Variants in PDE1C observed in about 807,000 individuals in gnomAD.
The protein encoded by PDE1C is dual specificity calcium/calmodulin-dependent 3',5'-cyclic nucleotide phosphodiesterase 1C.
Under a neutral mutation model 93.1 loss-of-function variants are expected in PDE1C, and 62 were observed. The ratio of observed to expected loss-of-function variants is 0.67; its 90% CI spans 0.54 to 0.82. The LOEUF (loss-of-function observed/expected upper bound fraction) is 0.82. Among genes scored for constraint, PDE1C ranks in the 40% least tolerant of loss-of-function variants. The pLI is 0.00. For missense variants in PDE1C, 742 were observed against 884.6 expected (o/e 0.84, Z 2.04); for synonymous variants, 325 against 310.1 (o/e 1.05, Z -0.50).
At chr7:32,240,391 C>A (rs1158365172) in intron 1 of PDE1C, among the ~76,000 whole-genome samples, 1 of 152,092 alleles carries the variant, frequency 6.6e-6, no homozygotes, top group African/African-American at 2.4e-5. Context: ...TGGTAAGTCC[C>A]AGATTTTGCA....
chr7:31,988,541 T>C (rs925197908), intron 2 of PDE1C, among the ~76,000 whole-genome samples: 1 of 152,130 alleles, frequency 6.6e-6, no homozygotes, highest in Non-Finnish European at 1.5e-5. Context: ...TGGGCCTCTA[T>C]AATTTTTTTT....
intron 9 of PDE1C, among the ~76,000 whole-genome samples, chr7:31,845,604 C>T (rs1266621804): frequency 2.0e-5 from 3 of 151,904 alleles, no homozygotes; most frequent in African/African-American, 2.4e-5. Context: ...GTGCAGCAAA[C>T]CACCATGGCA....
At chr7:31,945,172 C>T (rs1584114882) in intron 2 of PDE1C, among the ~76,000 whole-genome samples, 1 of 152,284 alleles carries the variant, frequency 6.6e-6, no homozygotes, top group Non-Finnish European at 1.5e-5. Flanking sequence ...ATAAGCTGCT[C>T]TCATCCCATA....
At chr7:32,393,724 T>A (rs1032725724) in intron 1 of PDE1C, among the ~76,000 whole-genome samples, 1 of 152,222 alleles carries the variant, frequency 6.6e-6, no homozygotes, top group Non-Finnish European at 1.5e-5. Context: ...TTTTTCTAAC[T>A]CCAGGTTACA....
rs1450391959 is a variant in PDE1C, at chr7:31,753,171, G to C, written c.*213C>G. 1.6e-5 allele frequency: 7 copies of C among 436,658 alleles called. No homozygotes were observed. The East Asian group carries it at 1.9e-4, about 12-fold the overall frequency. 27.0% of individuals were successfully genotyped at this position (436,658 alleles called of 1,614,324 possible). A position where few individuals can be genotyped will look rare whatever the true frequency, so the allele number is the denominator to read the frequency against. On this transcript the variant is annotated 3_prime_UTR_variant, in exon 18 of 18. Transcript: ENST00000396191. Reference sequence around the variant, plus strand: ...CTTGCTAGTTTGTTGCTGGCGTCTGGGCTGATCCCACATACAGCAATTGAA... The same window carrying C: ...CTTGCTAGTTTGTTGCTGGCGTCTGCGCTGATCCCACATACAGCAATTGAA...
intron 1 of PDE1C, among the ~76,000 whole-genome samples, chr7:32,261,208 T>C (rs1409274707): frequency 1.3e-5 from 2 of 152,072 alleles, no homozygotes; most frequent in Non-Finnish European, 2.9e-5. Context: ...TAACATCACT[T>C]TTGTAAAACC....
chr7:31,827,320 T>G (rs531247227), intron 12 of PDE1C, among the ~76,000 whole-genome samples: 3 of 152,190 alleles, frequency 2.0e-5, no homozygotes, highest in Non-Finnish European at 4.4e-5. Context: ...GCCCAGACAA[T>G]GCCTACTCAC....
At chr7:32,387,988 T>C (rs1366062754) in intron 1 of PDE1C, among the ~76,000 whole-genome samples, 1 of 152,218 alleles carries the variant, frequency 6.6e-6, no homozygotes, top group Non-Finnish European at 1.5e-5. Context: ...TTACCCTGTA[T>C]AAATGACCAT....
At chr7:31,710,294 C>A in the PDE1C span, among the ~76,000 whole-genome samples, 8 of 152,210 alleles carry the variant, frequency 5.3e-5, no homozygotes, top group Non-Finnish European at 1.0e-4. Context: ...TACCAGGAAC[C>A]CAGGCTACCT....
the PDE1C span, chr7:31,651,018 A>T: frequency 9.9e-7 from 1 of 1,008,816 alleles, no homozygotes; most frequent in Non-Finnish European, 1.4e-6. Context: ...CCTCCCCCTT[A>T]TATTAGCAGT....
intron 2 of PDE1C, among the ~76,000 whole-genome samples, chr7:31,975,023 G>T (rs1347142953): frequency 6.6e-6 from 1 of 152,124 alleles, no homozygotes; most frequent in Non-Finnish European, 1.5e-5. Context: ...CTCACTTCTT[G>T]TCTTTTTTTG....
chr7:32,298,977 C>G (rs1812803474), exon 1 of PDE1C: 1 of 1,288,238 alleles, frequency 7.8e-7, no homozygotes. Flanking sequence ...GCCCCATCTC[C>G]AAGCCGAGTT....
chr7:32,394,188 G>T (rs1403933847), intron 1 of PDE1C, among the ~76,000 whole-genome samples: 4 of 152,184 alleles, frequency 2.6e-5, no homozygotes, highest in Non-Finnish European at 5.9e-5. Context: ...ACTATGAAAT[G>T]TCTCTCTGAT....
intron 1 of PDE1C, among the ~76,000 whole-genome samples, chr7:32,360,599 G>A (rs560534031): frequency 2.6e-5 from 4 of 152,270 alleles, no homozygotes; most frequent in Admixed American, 1.3e-4. Context: ...CAGGTGGGAT[G>A]GCACAGGGCT....
intron 16 of PDE1C, chr7:31,790,006 G>A (rs1784396174): frequency 1.5e-6 from 2 of 1,297,272 alleles, no homozygotes; most frequent in Non-Finnish European, 2.0e-6. Flanking sequence ...TGTTTGTTTT[G>A]CTCAGGGGAA....
At chr7:32,012,050 C>A (rs974473981) in intron 2 of PDE1C, among the ~76,000 whole-genome samples, 1 of 152,144 alleles carries the variant, frequency 6.6e-6, no homozygotes, top group African/African-American at 2.4e-5. Flanking sequence ...TCAAAGTAGT[C>A]AAACTAAGTG....
At chr7:32,113,891 G>C (rs1798827393) in intron 3 of PDE1C, among the ~76,000 whole-genome samples, 1 of 152,060 alleles carries the variant, frequency 6.6e-6, no homozygotes. Context: ...TTGCTACAAA[G>C]AGAATAAAAC....
chr7:31,889,315 G>T (rs1324676818), intron 2 of PDE1C, among the ~76,000 whole-genome samples: 1 of 152,130 alleles, frequency 6.6e-6, no homozygotes, highest in Non-Finnish European at 1.5e-5. Context: ...CATCCAGCTG[G>T]TATGTGTGAG....
intron 5 of PDE1C, among the ~76,000 whole-genome samples, chr7:31,875,831 A>ATGTATG (rs1554387839): frequency 2.2e-5 from 2 of 90,122 alleles, no homozygotes; most frequent in East Asian, 4.3e-4. Flanking sequence ...ATATATATAT[A>ATGTATG]TATAATGGAA....
Sources: gnomAD v4.1 joint callset for allele counts (sites outside exome capture counted in the v4.1 genomes callset) on GRCh38, gnomAD v4.1.1 for gene constraint, MANE v1.5 for transcripts, NCBI Gene and HGNC (gene_info 2026-07-23, HGNC 2026-07-21) for gene names.